COL14A1: variants seen among roughly 807,000 people sequenced by gnomAD.
The protein encoded by COL14A1 is collagen type XIV alpha 1 chain.
In COL14A1, 136 loss-of-function variants were observed where a neutral mutation model predicts 230.3. The ratio of observed to expected loss-of-function variants is 0.59; its 90% CI spans 0.51 to 0.68. The LOEUF is 0.68. Ranked by LOEUF, COL14A1 falls within the 30% of genes least tolerant of loss-of-function variation. COL14A1 has a pLI of 0.00. For missense variants in COL14A1, 1,976 were observed against 2,215.8 expected, an observed-to-expected ratio of 0.89 and a Z score of 2.17; for synonymous variants, 792 against 784.1, an observed-to-expected ratio of 1.01 and a Z score of -0.17.
chr8:120,186,211 T>A (rs537825738), intron 5 of COL14A1, among the ~76,000 whole-genome samples: 3 of 152,382 alleles, frequency 2.0e-5, no homozygotes, highest in Non-Finnish European at 4.4e-5. Flanking sequence ...AAAATGACCT[T>A]AACTCTTTTT....
chr8:120,285,740 A>T, intron 32 of COL14A1, 121 bp from the exon 33 acceptor site: 1 of 676,038 alleles, frequency 1.5e-6, no homozygotes, highest in Non-Finnish European at 2.5e-6. Flanking sequence ...CTTACTCATC[A>T]CATCATTCTA....
At chr8:120,244,646 CCATTT>C (rs1298786590) in intron 20 of COL14A1, among the ~76,000 whole-genome samples, 1 of 152,136 alleles carries the variant, frequency 6.6e-6, no homozygotes, top group Non-Finnish European at 1.5e-5. Flanking sequence ...GTTTGGTTTT[CCATTT>C]CTGAGTTACT....
intron 20 of COL14A1, among the ~76,000 whole-genome samples, chr8:120,246,871 G>T (rs1254624346): frequency 6.6e-6 from 1 of 152,128 alleles, no homozygotes; most frequent in African/African-American, 2.4e-5. Context: ...TAGGAAATAT[G>T]AAGATGAAAG....
At chr8:120,192,692 A>G (rs146276455) in intron 5 of COL14A1, among the ~76,000 whole-genome samples, 54,548 of 151,152 alleles carry the variant, frequency 0.36, 10,177 homozygotes, top group Admixed American at 0.48. Context: ...CCAATCAGAC[A>G]TAGATTTGGT....
chr8:120,280,414 C>T (rs983368078), intron 29 of COL14A1, among the ~76,000 whole-genome samples: 1 of 152,142 alleles, frequency 6.6e-6, no homozygotes, highest in African/African-American at 2.4e-5. Flanking sequence ...ATTAAGAATT[C>T]TCATCTGGGC....
intron 40 of COL14A1, among the ~76,000 whole-genome samples, chr8:120,317,606 A>G (rs1031373545): frequency 1.2e-4 from 18 of 152,206 alleles, no homozygotes; most frequent in Non-Finnish European, 2.6e-4. Context: ...AGTTCTGAAA[A>G]TGGCAATTCT....
Position 120,278,048 on chromosome 8 carries a change from G to T in COL14A1, c.3214-63G>T, listed in dbSNP as rs1819907913. ...TTAAAACTACAGGTGACACTGTGCT[G>T]TTGCTCTCTGACCCAGTGGAAGTCT... On this transcript the variant is annotated intron_variant, in intron 26 of 47. Transcript: ENST00000297848. 3 of 1,414,600 alleles carry T rather than the reference G, an allele frequency of 2.1e-6. No individual in the cohort carries two copies. In the South Asian group the frequency reaches 5.5e-5, roughly 26 times the overall value. The allele number at this position is 1,414,600 out of a possible 1,614,324, so 87.6% of individuals were successfully genotyped here.
At chr8:120,363,945 C>G (rs533781679) in intron 45 of COL14A1, among the ~76,000 whole-genome samples, 1 of 152,294 alleles carries the variant, frequency 6.6e-6, no homozygotes, top group Middle Eastern at 3.4e-3. Flanking sequence ...GATAAATATG[C>G]CTTGCCCTCT....
rs182111061 is a variant in COL14A1, at chr8:120,220,623, G to A, written c.1737+4133G>A. Among the ~76,000 whole-genome samples the A allele has an allele frequency of 8.7e-4, 132 of 152,088 alleles. 1 individual carries two copies. Among genetic ancestry groups the A allele is most frequent in the Non-Finnish European group, 3.8e-4 (26 of 67,986 alleles). On this transcript the variant is annotated intron_variant, in intron 14 of 47. Coordinates refer to ENST00000297848, the MANE Select transcript of COL14A1 (RefSeq NM_021110.4). Reference sequence around the variant, plus strand: ...ATTTACACTCAATATTTTCTGCTTCGCTTCCTCTCATCTTCCTTCTCTCAC... The same window carrying A: ...ATTTACACTCAATATTTTCTGCTTCACTTCCTCTCATCTTCCTTCTCTCAC...
At chr8:120,366,376 A>T (rs964439158) in intron 45 of COL14A1, among the ~76,000 whole-genome samples, 7 of 152,168 alleles carry the variant, frequency 4.6e-5, no homozygotes, top group African/African-American at 1.7e-4. Flanking sequence ...CTGCTATTTC[A>T]AAGCATTGTT....
In COL14A1 at chr8:120,162,488, A is replaced by T; in HGVS notation, c.268A>T (p.Met90Leu). Residue 90 changes from methionine (M) to leucine (L), a missense_variant, in exon 4 of 48, where the codon ATG becomes TTG. By Grantham distance (15) the Met-to-Leu change is conservative. This residue lies in a region of COL14A1 where 181 missense variants were observed against 178.6 expected (regional missense o/e 1.01). Coordinates refer to ENST00000297848, the MANE Select transcript of COL14A1 (RefSeq NM_021110.4). Reference protein sequence around the residue: ...TATKAIIQGLMPDQNYTVQII... With the variant: ...TATKAIIQGLLPDQNYTVQII... ...AACTAAAGCAATTATTCAAGGCCTT[A>T]TGCCAGACCAGAATTACACAGTTCA... The T allele has an allele frequency of 6.2e-7, 1 of 1,613,242 alleles. No individual in the cohort carries two copies. The highest frequency in any genetic ancestry group is 8.5e-7 in the Non-Finnish European group (1 of 1,179,594).
At chr8:120,353,487 C>T (rs1433589214) in intron 45 of COL14A1, among the ~76,000 whole-genome samples, 2 of 140,634 alleles carry the variant, frequency 1.4e-5, no homozygotes, top group African/African-American at 5.5e-5. Context: ...TCGCAACCTA[C>T]TCATCTGACA....
intron 5 of COL14A1, among the ~76,000 whole-genome samples, chr8:120,188,372 A>G (rs1341542434): frequency 6.6e-6 from 1 of 152,098 alleles, no homozygotes; most frequent in Non-Finnish European, 1.5e-5. Context: ...ATGAGCCACC[A>G]CACCCAGACT....
chr8:120,300,308 G>C (rs1820671487), intron 35 of COL14A1, among the ~76,000 whole-genome samples: 1 of 152,142 alleles, frequency 6.6e-6, no homozygotes, highest in African/African-American at 2.4e-5. Flanking sequence ...TTTTAGTACA[G>C]ATATAGTTGT....
chr8:120,289,756 A>G lies in COL14A1; in HGVS notation c.4226A>G (p.Asn1409Ser), dbSNP rs769795729. Residue 1409 changes from asparagine to serine, a missense_variant, in exon 34 of 48, where the codon AAC (asparagine) becomes AGC (serine). Asn to Ser is a conservative substitution (Grantham distance 46). Transcript: ENST00000297848. Reference protein sequence around the residue: ...KMVRSRGPGGNSAPFQLQMFD... With the variant: ...KMVRSRGPGGSSAPFQLQMFD... ...GTTCGATCAAGAGGACCAGGTGGAAACTCTGCACCGGTAAGTGAATAAACC... is the reference window on the plus strand; with the variant it reads ...GTTCGATCAAGAGGACCAGGTGGAAGCTCTGCACCGGTAAGTGAATAAACC... The G allele has an allele frequency of 1.3e-5, 21 of 1,612,672 alleles. No individual in the cohort carries two copies. In the South Asian group the frequency reaches 2.2e-4, roughly 17 times the overall value.
chr8:120,332,006 A>G, intron 40 of COL14A1, 135 bp from the exon 41 acceptor site: 2 of 710,196 alleles, frequency 2.8e-6, no homozygotes, highest in South Asian at 4.0e-5. Flanking sequence ...TGAAGAGTTT[A>G]AAGGCAGTGA....
chr8:120,347,074 G>A (rs1363889077), intron 45 of COL14A1, among the ~76,000 whole-genome samples: 3 of 152,130 alleles, frequency 2.0e-5, no homozygotes, highest in African/African-American at 7.2e-5. Context: ...TGGAGAAACT[G>A]TGACTCAGTG....
chr8:120,249,071 C>T (rs1365936138), intron 21 of COL14A1, among the ~76,000 whole-genome samples: 2 of 149,332 alleles, frequency 1.3e-5, no homozygotes, highest in South Asian at 2.1e-4. Flanking sequence ...GGACTACAGG[C>T]GCCCGCCACC....
intron 5 of COL14A1, among the ~76,000 whole-genome samples, chr8:120,181,993 T>A (rs1816479597): frequency 1.3e-5 from 2 of 152,144 alleles, no homozygotes; most frequent in African/African-American, 4.8e-5. Flanking sequence ...GCACTCCTGA[T>A]GACAATCAGA....
Sources: allele counts gnomAD v4.1 joint callset (sites outside exome capture counted in the v4.1 genomes callset), GRCh38; gene constraint gnomAD v4.1.1; regional missense constraint gnomAD v4.1.1; transcripts MANE v1.5; gene names NCBI Gene and HGNC (gene_info 2026-07-23, HGNC 2026-07-21).